The following DAPK2 variants were observed in gnomAD, a reference collection of about 807,000 sequenced individuals.
The protein encoded by DAPK2 is death-associated protein kinase 2.
A neutral mutation model predicts 44.1 loss-of-function variants in DAPK2; 35 were observed. That is an observed-to-expected ratio of 0.79 (90% CI 0.61 to 1.05). DAPK2 has a LOEUF of 1.05. DAPK2 is among the 50% of genes least tolerant of loss of function. The pLI is 0.00. For synonymous variants in DAPK2, 174 were observed against 182.6 expected, an observed-to-expected ratio of 0.95 and a Z score of 0.38; for missense variants, 453 against 483.2, an observed-to-expected ratio of 0.94 and a Z score of 0.59.
intron 1 of DAPK2, among the ~76,000 whole-genome samples, chr15:64,008,562 C>G (rs1232269010): frequency 6.6e-6 from 1 of 152,220 alleles, no homozygotes; most frequent in East Asian, 1.9e-4. Flanking sequence ...CACTAAGGAA[C>G]AGCTTTGGCA....
intron 4 of DAPK2, among the ~76,000 whole-genome samples, chr15:63,936,524 T>C (rs1376229526): frequency 1.3e-5 from 2 of 152,066 alleles, no homozygotes; most frequent in East Asian, 3.9e-4. Flanking sequence ...GGCACAAGAA[T>C]CACTTGAACC....
At chr15:63,968,378 T>C (rs1228525031) in intron 3 of DAPK2, among the ~76,000 whole-genome samples, 2 of 152,280 alleles carry the variant, frequency 1.3e-5, no homozygotes, top group East Asian at 1.9e-4. Context: ...CTCACATGCA[T>C]CCAGAGAAAA....
chr15:63,942,130 A>G, intron 3 of DAPK2: 1 of 811,840 alleles, frequency 1.2e-6, no homozygotes, highest in Non-Finnish European at 1.5e-6. Context: ...AGGACTATGG[A>G]GCAGTAGGGA....
chr15:64,007,918 A>G (rs2079278474), intron 1 of DAPK2, among the ~76,000 whole-genome samples: 1 of 152,250 alleles, frequency 6.6e-6, no homozygotes, highest in African/African-American at 2.4e-5. Flanking sequence ...GAAGCCAGTC[A>G]CAAAGGACCG....
intron 1 of DAPK2, among the ~76,000 whole-genome samples, chr15:64,034,271 G>C (rs748211038): frequency 9.2e-5 from 14 of 152,158 alleles, no homozygotes; most frequent in Non-Finnish European, 1.6e-4. Context: ...TTTCCCCAAA[G>C]AAGGTGTCCT....
intron 2 of DAPK2, among the ~76,000 whole-genome samples, chr15:63,972,506 T>C (rs2078240997): frequency 6.6e-6 from 1 of 152,214 alleles, no homozygotes; most frequent in South Asian, 2.1e-4. Flanking sequence ...ATTCTGATAA[T>C]GTCTCAGATG....
chr15:63,929,564 T>G (rs1016929635), exon 6 of DAPK2: 2 of 1,614,052 alleles, frequency 1.2e-6, no homozygotes, highest in Non-Finnish European at 8.5e-7. Flanking sequence ...ATGTAGGTGA[T>G]GACGCCTATG....
chr15:63,939,549 G>A lies in DAPK2; in HGVS notation c.454-188C>T, dbSNP rs981274856. On this transcript the variant is annotated intron_variant, in intron 3 of 10. Transcript: ENST00000261891. The surrounding 1 kb of genome is among the most constrained non-coding windows in gnomAD (Gnocchi z 4.3). ...CCTCAGTCTTCTCTGTGAACCCAAA[G>A]ACAGGTAAAGCATTGAGGGCAAGGC... 1.3e-5 allele frequency among the ~76,000 whole-genome samples: 2 copies of A among 152,164 alleles called. No homozygotes were observed. The highest frequency in any genetic ancestry group is 4.8e-5 in the African/African-American group (2 of 41,442).
At chr15:64,018,522 C>A (rs2079596652) in intron 1 of DAPK2, among the ~76,000 whole-genome samples, 2 of 152,198 alleles carry the variant, frequency 1.3e-5, no homozygotes, top group South Asian at 4.1e-4. Flanking sequence ...ATGGCCTCCC[C>A]CATCACATAG....
At chr15:63,972,473 G>T (rs990328787) in intron 2 of DAPK2, among the ~76,000 whole-genome samples, 1 of 152,164 alleles carries the variant, frequency 6.6e-6, no homozygotes, top group Non-Finnish European at 1.5e-5. Context: ...CAAAATATTT[G>T]TAGAAATACA....
chr15:63,942,110 G>A lies in DAPK2; in HGVS notation c.454-2749C>T, dbSNP rs149464702. ...CTGAATGGGGGTGGGAGCCAGACCTGGTGATCCCCAGGACTATGGAGCAGT... is the reference window on the plus strand; with the variant it reads ...CTGAATGGGGGTGGGAGCCAGACCTAGTGATCCCCAGGACTATGGAGCAGT... On this transcript the variant is annotated intron_variant, in intron 3 of 10. Coordinates refer to ENST00000261891, the Ensembl canonical transcript of DAPK2. 113 of 670,102 alleles carry A rather than the reference G, an allele frequency of 1.7e-4. No homozygotes were observed. In the East Asian group the frequency reaches 0.012, roughly 74 times the overall value. The allele number at this position is 670,102 out of a possible 1,614,324, so 41.5% of individuals were successfully genotyped here.
At chr15:64,007,171 T>TGC (rs2079256560) in intron 1 of DAPK2, among the ~76,000 whole-genome samples, 1 of 151,980 alleles carries the variant, frequency 6.6e-6, no homozygotes, top group Non-Finnish European at 1.5e-5. Flanking sequence ...CACTATGTCA[T>TGC]CCTGGCTGGT....
intron 1 of DAPK2, among the ~76,000 whole-genome samples, chr15:63,997,608 G>T (rs1369694668): frequency 6.6e-6 from 1 of 152,168 alleles, no homozygotes; most frequent in Non-Finnish European, 1.5e-5. Flanking sequence ...TGGGATTACA[G>T]GTGTGAGCCA....
At chr15:63,932,942 G>A (rs887778467) in intron 4 of DAPK2, among the ~76,000 whole-genome samples, 6 of 152,324 alleles carry the variant, frequency 3.9e-5, no homozygotes, top group African/African-American at 1.4e-4. Context: ...TCGTGTGAAT[G>A]TGTATCATTT....
chr15:63,949,638 G>T (rs531361552), intron 3 of DAPK2, among the ~76,000 whole-genome samples: 6 of 152,304 alleles, frequency 3.9e-5, no homozygotes, highest in African/African-American at 1.2e-4. Flanking sequence ...AACTCACCAG[G>T]AGTTGGCTCC....
At position 63,956,577 on chromosome 15, in the gene DAPK2, G is replaced by A. The variant is rs575438381; in HGVS notation, c.453+14846C>T. 2.2e-3 allele frequency among the ~76,000 whole-genome samples: 335 copies of A among 151,566 alleles called. 2 individuals are homozygous for A. The highest frequency in any genetic ancestry group is 3.6e-3 in the Non-Finnish European group (245 of 67,856). On this transcript the variant is annotated intron_variant, in intron 3 of 10. Transcript: ENST00000261891. ...TGTGGTCAGAGAAGATACTTGATAT[G>A]ATTTCAATTTAAATTTTTTTTTTTT...
intron 1 of DAPK2, among the ~76,000 whole-genome samples, chr15:64,008,168 C>A (rs138027573): frequency 6.6e-6 from 1 of 151,708 alleles, no homozygotes; most frequent in South Asian, 2.1e-4. Context: ...GTACTAATGG[C>A]TTTAGGACAC....
intron 1 of DAPK2, among the ~76,000 whole-genome samples, chr15:63,987,774 G>T (rs1268146736): frequency 6.6e-6 from 1 of 152,094 alleles, no homozygotes; most frequent in Non-Finnish European, 1.5e-5. Flanking sequence ...CCTAACTCTG[G>T]GCTGGTGTCA....
At chr15:63,945,544 G>T (rs967905819) in intron 3 of DAPK2, among the ~76,000 whole-genome samples, 6 of 152,180 alleles carry the variant, frequency 3.9e-5, no homozygotes, top group Non-Finnish European at 8.8e-5. Context: ...AGGAAGCTAA[G>T]GGTCAGCAGA....
Sources: gnomAD v4.1 joint callset for allele counts (sites outside exome capture counted in the v4.1 genomes callset) on GRCh38, gnomAD v4.1.1 for gene constraint, Gnocchi (gnomAD v3.1) non-coding constraint, MANE v1.5 for transcripts, NCBI Gene and HGNC (gene_info 2026-07-23, HGNC 2026-07-21) for gene names.